The following TTC28 variants were observed in gnomAD, a reference collection of about 807,000 sequenced individuals.
The protein encoded by TTC28 is tetratricopeptide repeat protein 28.
TTC28 carries 61 observed loss-of-function variants against 198.0 expected under a neutral mutation model. The ratio of observed to expected loss-of-function variants is 0.31; its 90% CI spans 0.25 to 0.38. TTC28 has a LOEUF of 0.38. Ranked by LOEUF, TTC28 falls within the 10% of genes least tolerant of loss-of-function variation. The pLI is 1.00. For missense variants in TTC28, 2,678 were observed against 3,164.0 expected (o/e 0.85, Z 3.69); for synonymous variants, 1,171 against 1,297.8 (o/e 0.90, Z 2.10).
chr22:28,181,999 A>G (rs1923745227), intron 5 of TTC28, among the ~76,000 whole-genome samples: 1 of 152,222 alleles, frequency 6.6e-6, no homozygotes. Flanking sequence ...TTAGGGAGAA[A>G]CACTTGAGAA....
At chr22:28,373,670 A>C (rs1279783302) in intron 2 of TTC28, among the ~76,000 whole-genome samples, 4 of 152,198 alleles carry the variant, frequency 2.6e-5, no homozygotes, top group African/African-American at 9.6e-5. Flanking sequence ...AAAATATATA[A>C]GAATACTACA....
chr22:28,678,632 C>G (rs1197822209), intron 1 of TTC28, among the ~76,000 whole-genome samples: 8 of 152,156 alleles, frequency 5.3e-5, no homozygotes, highest in African/African-American at 1.7e-4. Flanking sequence ...AAATCATATA[C>G]TGTAAAATAA....
chr22:28,057,079 AT>A (rs1453021241), intron 12 of TTC28, among the ~76,000 whole-genome samples: 2 of 152,330 alleles, frequency 1.3e-5, no homozygotes, highest in East Asian at 3.9e-4. Context: ...TGGAGGTATT[AT>A]GAATAAAGCT....
At chr22:28,174,177 C>T (rs1922943068) in intron 5 of TTC28, among the ~76,000 whole-genome samples, 1 of 152,170 alleles carries the variant, frequency 6.6e-6, no homozygotes, top group South Asian at 2.1e-4. Flanking sequence ...TGTGATAACA[C>T]ACATTTGTAA....
chr22:28,279,884 T>C (rs963813644), intron 5 of TTC28, among the ~76,000 whole-genome samples: 1 of 152,272 alleles, frequency 6.6e-6, no homozygotes, highest in African/African-American at 2.4e-5. Flanking sequence ...TTATAAAGTA[T>C]GTCCTCTTTT....
intron 2 of TTC28, among the ~76,000 whole-genome samples, chr22:28,583,165 C>A (rs2050256545): frequency 6.6e-6 from 1 of 152,110 alleles, no homozygotes; most frequent in Admixed American, 6.5e-5. Context: ...TCTTCCTCTA[C>A]AGCATTTCAG....
intron 5 of TTC28, among the ~76,000 whole-genome samples, chr22:28,173,185 CAT>C (rs1292359849): frequency 6.6e-6 from 1 of 152,192 alleles, no homozygotes; most frequent in Non-Finnish European, 1.5e-5. Context: ...GGGCAAATAA[CAT>C]GTGATGATAC....
At chr22:28,310,925 G>A (rs766141004) in intron 2 of TTC28, among the ~76,000 whole-genome samples, 17 of 151,850 alleles carry the variant, frequency 1.1e-4, no homozygotes, top group Non-Finnish European at 1.9e-4. Flanking sequence ...AAGTTCAGGT[G>A]CGCACCACCA....
chr22:28,326,313 A>G (rs907640422), intron 2 of TTC28, among the ~76,000 whole-genome samples: 7 of 152,156 alleles, frequency 4.6e-5, no homozygotes, highest in African/African-American at 1.7e-4. Flanking sequence ...AAAGGTAGAA[A>G]ATTTAGAAGT....
intron 12 of TTC28, among the ~76,000 whole-genome samples, chr22:28,050,700 ATGAC>A (rs1390639109): frequency 6.6e-6 from 1 of 152,172 alleles, no homozygotes; most frequent in Non-Finnish European, 1.5e-5. Flanking sequence ...AAAAAGCCAA[ATGAC>A]CCCTTTAACA....
intron 5 of TTC28, among the ~76,000 whole-genome samples, chr22:28,206,156 T>C (rs1926388826): frequency 6.6e-6 from 1 of 152,144 alleles, no homozygotes; most frequent in South Asian, 2.1e-4. Context: ...AGCTGTGAGA[T>C]ACTCTGCAGT....
intron 2 of TTC28, among the ~76,000 whole-genome samples, chr22:28,539,467 T>A (rs1330104591): frequency 6.6e-6 from 1 of 151,984 alleles, no homozygotes; most frequent in Non-Finnish European, 1.5e-5. Context: ...AAAACCCATC[T>A]CTATAAAAAT....
chr22:28,149,516 T>A (rs1203623637), intron 6 of TTC28, among the ~76,000 whole-genome samples: 2 of 152,234 alleles, frequency 1.3e-5, no homozygotes, highest in Non-Finnish European at 2.9e-5. Context: ...AGACAAATAC[T>A]ATGTGATATA....
At chr22:28,215,915 C>T (rs980750764) in intron 5 of TTC28, among the ~76,000 whole-genome samples, 1 of 152,164 alleles carries the variant, frequency 6.6e-6, no homozygotes, top group African/African-American at 2.4e-5. Flanking sequence ...GCCATATTTG[C>T]ACAAAGTACA....
At chr22:28,643,579 G>A (rs1316437321) in intron 1 of TTC28, among the ~76,000 whole-genome samples, 1 of 152,138 alleles carries the variant, frequency 6.6e-6, no homozygotes, top group Non-Finnish European at 1.5e-5. Context: ...GAAAATTAAT[G>A]TAAATTATTT....
At chr22:28,270,158 A>G (rs1443149570) in intron 5 of TTC28, among the ~76,000 whole-genome samples, 2 of 152,210 alleles carry the variant, frequency 1.3e-5, no homozygotes, top group African/African-American at 4.8e-5. Context: ...TAAAACATCA[A>G]TCAATGCACG....
At chr22:27,991,817 A>G (rs972575226) in intron 19 of TTC28, among the ~76,000 whole-genome samples, 1 of 152,234 alleles carries the variant, frequency 6.6e-6, no homozygotes, top group African/African-American at 2.4e-5. Flanking sequence ...AAGGACCTAC[A>G]TGATGCTAAG....
chr22:28,066,904 T>C (rs1940777544), intron 12 of TTC28, among the ~76,000 whole-genome samples: 1 of 152,180 alleles, frequency 6.6e-6, no homozygotes, highest in South Asian at 2.1e-4. Context: ...CCTACCTTGC[T>C]TGTACTGCTC....
chr22:28,383,358 T>C (rs922120288), intron 2 of TTC28, among the ~76,000 whole-genome samples: 1 of 152,222 alleles, frequency 6.6e-6, no homozygotes, highest in Non-Finnish European at 1.5e-5. Flanking sequence ...AATATGTTGA[T>C]CCCAAATTGT....
Sources: allele counts gnomAD v4.1 joint callset (sites outside exome capture counted in the v4.1 genomes callset), GRCh38; gene constraint gnomAD v4.1.1; transcripts MANE v1.5; gene names NCBI Gene and HGNC (gene_info 2026-07-23, HGNC 2026-07-21).